The following SMC5 variants were observed in gnomAD, a reference collection of about 807,000 sequenced individuals.
The protein encoded by SMC5 is structural maintenance of chromosomes protein 5.
A neutral mutation model predicts 148.3 loss-of-function variants in SMC5; 88 were observed. The observed-to-expected ratio is 0.59, with a 90% CI of 0.50 to 0.71. The LOEUF (loss-of-function observed/expected upper bound fraction) is 0.71. Ranked by LOEUF, SMC5 falls within the 30% of genes least tolerant of loss-of-function variation. The probability of loss-of-function intolerance (pLI) is 0.00; values close to 1 mark genes in which losing one functional copy is unlikely to be tolerated. For missense variants in SMC5, 1,142 were observed against 1,298.9 expected, an observed-to-expected ratio of 0.88 and a Z score of 1.86; for synonymous variants, 421 against 432.8, an observed-to-expected ratio of 0.97 and a Z score of 0.34.
chr9:70,323,631 C>T (rs748202493), intron 16 of SMC5, 25 bp downstream of exon 16: 2 of 1,594,012 alleles, frequency 1.3e-6, no homozygotes, highest in Non-Finnish European at 1.7e-6. Flanking sequence ...TAATTTTAGT[C>T]ATTTTTTAAA....
intron 1 of SMC5, among the ~76,000 whole-genome samples, chr9:70,260,014 G>C (rs929110573): frequency 2.0e-5 from 3 of 149,922 alleles, no homozygotes; most frequent in Non-Finnish European, 4.4e-5. Context: ...CCGCGATCTC[G>C]GCCCACTGCA....
chr9:70,302,092 G>T (rs954858495), intron 10 of SMC5, among the ~76,000 whole-genome samples: 2 of 152,188 alleles, frequency 1.3e-5, no homozygotes, highest in Admixed American at 6.5e-5. Flanking sequence ...TTCCTTAAGG[G>T]TTGGGCACCA....
intron 10 of SMC5, among the ~76,000 whole-genome samples, chr9:70,301,103 G>A (rs2035346858): frequency 6.6e-6 from 1 of 151,950 alleles, no homozygotes; most frequent in Non-Finnish European, 1.5e-5. Context: ...ATTTTTGCTA[G>A]ATCAAGAAGA....
intron 8 of SMC5, among the ~76,000 whole-genome samples, chr9:70,296,766 A>AT (rs781259139): frequency 6.6e-6 from 1 of 152,176 alleles, no homozygotes; most frequent in Non-Finnish European, 1.5e-5. Context: ...TAAAATGTAA[A>AT]TTGGGCATAT....
At chr9:70,271,997 C>T (rs1045390047) in intron 3 of SMC5, among the ~76,000 whole-genome samples, 2 of 152,154 alleles carry the variant, frequency 1.3e-5, no homozygotes, top group African/African-American at 4.8e-5. Flanking sequence ...TGTGATGTAA[C>T]TTAAAAAGTT....
At chr9:70,299,787 TTTTGTTTG>T (rs148752315) in intron 9 of SMC5, among the ~76,000 whole-genome samples, 73 of 151,654 alleles carry the variant, frequency 4.8e-4, no homozygotes, top group South Asian at 8.3e-4. Context: ...TTGTGGGTTT[TTTTGTTTG>T]TTTGTTTGTT....
At chr9:70,352,022 ACTGAGCTGAGATCGCACCT>A (rs2036816148) in intron 24 of SMC5, among the ~76,000 whole-genome samples, 150 bp from the exon 25 acceptor site, 1 of 152,150 alleles carries the variant, frequency 6.6e-6, no homozygotes. Context: ...TGGAGGTTGC[ACTGAGCTGAGATCGCACCT>A]CTGTACTCCG....
intron 1 of SMC5, among the ~76,000 whole-genome samples, chr9:70,260,471 CT>C (rs1048169468): frequency 2.0e-5 from 3 of 151,330 alleles, no homozygotes; most frequent in South Asian, 2.1e-4. Flanking sequence ...ACAATACTAC[CT>C]TTTTTTTTCA....
At chr9:70,288,454 C>A (rs1460168489) in intron 8 of SMC5, among the ~76,000 whole-genome samples, 1 of 151,704 alleles carries the variant, frequency 6.6e-6, no homozygotes, top group Non-Finnish European at 1.5e-5. Context: ...TAAAAATCAA[C>A]TTTATTTTTT....
At chr9:70,282,040 T>G (rs572196188) in intron 6 of SMC5, among the ~76,000 whole-genome samples, 14 of 125,542 alleles carry the variant, frequency 1.1e-4, no homozygotes, top group Non-Finnish European at 1.8e-4. Flanking sequence ...TTTCATTTTG[T>G]TTTTTTTTTT....
chr9:70,324,951 T>G (rs1014364261), intron 17 of SMC5, among the ~76,000 whole-genome samples: 1 of 152,202 alleles, frequency 6.6e-6, no homozygotes, highest in Non-Finnish European at 1.5e-5. Flanking sequence ...ATCACCCTCC[T>G]CACACATCTC....
chr9:70,298,233 A>G lies in SMC5; in HGVS notation c.1309+12A>G, dbSNP rs2118385025. On this transcript the variant is annotated intron_variant, in intron 9 of 24. Coordinates refer to ENST00000361138, the MANE Select transcript of SMC5 (RefSeq NM_015110.4). ...GAAGGAGAAAAAGAGTAAGTTTCAT[A>G]AAGTTAGAATGAAATGTTTATAAAA... is the stretch of plus-strand genomic sequence containing the variant. The G allele has an allele frequency of 2.5e-6, 4 of 1,603,848 alleles. No homozygotes were observed. The highest frequency in any genetic ancestry group is 1.7e-5 in the Admixed American group (1 of 57,932).
At chr9:70,348,061 T>G (rs753860472) in intron 22 of SMC5, 23 bp downstream of exon 22, 1 of 1,527,268 alleles carries the variant, frequency 6.5e-7, no homozygotes, top group East Asian at 2.4e-5. Context: ...TTGAAATAAA[T>G]AATATTTCTG....
chr9:70,331,687 A>G (rs1468312954), intron 17 of SMC5, among the ~76,000 whole-genome samples: 2 of 152,208 alleles, frequency 1.3e-5, no homozygotes, highest in East Asian at 3.8e-4. Context: ...GGTATGTGAA[A>G]GTTTATACCA....
At chr9:70,289,036 G>A (rs1311017887) in intron 8 of SMC5, among the ~76,000 whole-genome samples, 1 of 151,938 alleles carries the variant, frequency 6.6e-6, no homozygotes, top group Non-Finnish European at 1.5e-5. Flanking sequence ...AGTTTTTGTT[G>A]TTGTTGTTGT....
At chr9:70,303,378 G>A (rs554240523) in intron 10 of SMC5, among the ~76,000 whole-genome samples, 2 of 152,098 alleles carry the variant, frequency 1.3e-5, no homozygotes, top group South Asian at 2.1e-4. Context: ...ATAAGTTATC[G>A]TAAACATCCA....
chr9:70,323,402 G>T, intron 15 of SMC5, 81 bp from the exon 16 acceptor site: 1 of 1,401,796 alleles, frequency 7.1e-7, no homozygotes, highest in Non-Finnish European at 9.6e-7. Context: ...ATATATCCCA[G>T]AAAACTGGGG....
intron 17 of SMC5, among the ~76,000 whole-genome samples, chr9:70,329,680 C>A (rs1476622902): frequency 6.6e-6 from 1 of 152,174 alleles, no homozygotes; most frequent in Non-Finnish European, 1.5e-5. Context: ...ACTGTTCCAA[C>A]CTCTGCTTAT....
At position 70,280,824 on chromosome 9, in the gene SMC5, A is replaced by C; in HGVS notation, c.744A>C (p.Gln248His). 1 of 1,613,936 alleles carries C rather than the reference A, an allele frequency of 6.2e-7. No homozygotes were observed. Among genetic ancestry groups the C allele is most frequent in the Non-Finnish European group, 8.5e-7 (1 of 1,179,918 alleles). Residue 248 changes from glutamine (Q) to histidine (H), a missense_variant, in exon 6 of 25, where the codon CAA becomes CAC. Around this residue, in one of 5 missense-constraint regions of SMC5, gnomAD observed 297 missense variants for 302.6 expected, o/e 0.98. Coordinates refer to ENST00000361138, the MANE Select transcript of SMC5 (RefSeq NM_015110.4). ...KMVQRNERYKQDVERFYERKR... is the reference protein window; with the variant it reads ...KMVQRNERYKHDVERFYERKR... ...TTCAGAGGAATGAAAGATATAAACA[A>C]GATGTGGAGAGGTTCTATGAACGGA...
Sources: allele counts gnomAD v4.1 joint callset (sites outside exome capture counted in the v4.1 genomes callset), GRCh38; gene constraint gnomAD v4.1.1; regional missense constraint gnomAD v4.1.1; transcripts MANE v1.5; gene names NCBI Gene and HGNC (gene_info 2026-07-23, HGNC 2026-07-21).